The following DAB2IP variants were observed in gnomAD, a reference collection of about 807,000 sequenced individuals.
DAB2IP encodes DAB2 interacting protein.
A neutral mutation model predicts 107.2 loss-of-function variants in DAB2IP; 28 were observed. The ratio of observed to expected loss-of-function variants is 0.26; its 90% CI spans 0.19 to 0.36. DAB2IP has a LOEUF of 0.36. DAB2IP is among the 10% of genes least tolerant of loss of function. The probability of loss-of-function intolerance (pLI) is 1.00; values close to 1 mark genes in which losing one functional copy is unlikely to be tolerated. For missense variants in DAB2IP, 1,400 were observed against 1,644.7 expected (o/e 0.85, Z 2.57); for synonymous variants, 755 against 706.4 (o/e 1.07, Z -1.09).
At chr9:121,598,605 G>C (rs1830582325) in intron 1 of DAB2IP, 1 of 152,296 alleles carries the variant, frequency 6.6e-6, no homozygotes, top group Non-Finnish European at 1.5e-5. Context: ...CGCGCTCTGC[G>C]AGGACACGCT....
chr9:121,774,572 G>A (rs143649830), intron 13 of DAB2IP, among the ~76,000 whole-genome samples, 160 bp downstream of exon 13: 79 of 152,288 alleles, frequency 5.2e-4, no homozygotes, highest in Middle Eastern at 3.4e-3. Context: ...GCAGTCAGTG[G>A]GGTCTGGAAG....
At chr9:121,617,588 A>G (rs1316548503) in intron 1 of DAB2IP, among the ~76,000 whole-genome samples, 1 of 152,236 alleles carries the variant, frequency 6.6e-6, no homozygotes, top group Non-Finnish European at 1.5e-5. Flanking sequence ...GTCCAGCCCC[A>G]GAGGCAGCCT....
intron 1 of DAB2IP, among the ~76,000 whole-genome samples, chr9:121,627,177 G>A (rs1169826188): frequency 1.3e-5 from 2 of 150,496 alleles, no homozygotes; most frequent in Admixed American, 1.3e-4. Flanking sequence ...ACAAGCATAT[G>A]TAAGAATCTA....
chr9:121,772,397 A>C lies in DAB2IP; in HGVS notation c.2079-210A>C, dbSNP rs1834826711. On this transcript the variant is annotated intron_variant, in intron 11 of 15. Transcript: ENST00000408936. This position sits in a 1 kb window ranked among gnomAD's most constrained non-coding sequence, Gnocchi z 4.7. ...CTGAAATGTGCAGTGCTGGCCCCTA[A>C]AGAAGAGGTTCTGTGCAGGAGCAGC... Among the ~76,000 whole-genome samples the C allele has an allele frequency of 6.6e-6, 1 of 152,052 alleles. No homozygotes were observed. Among genetic ancestry groups the C allele is most frequent in the Non-Finnish European group, 1.5e-5 (1 of 67,990 alleles).
intron 1 of DAB2IP, among the ~76,000 whole-genome samples, chr9:121,621,984 C>CTTTCTTTCTTT (rs1429341252): frequency 1.0e-5 from 1 of 99,718 alleles, no homozygotes; most frequent in Admixed American, 1.1e-4. Flanking sequence ...TTTTTTCTTT[C>CTTTCTTTCTTT]TTTTTTTTTT....
chr9:121,571,428 G>C (rs1463912619), intron 1 of DAB2IP, among the ~76,000 whole-genome samples: 1 of 152,124 alleles, frequency 6.6e-6, no homozygotes. Flanking sequence ...AGAAACAGCA[G>C]GTGCAAAGGC....
At chr9:121,608,285 C>T (rs1403877004) in intron 1 of DAB2IP, among the ~76,000 whole-genome samples, 1 of 152,178 alleles carries the variant, frequency 6.6e-6, no homozygotes, top group Non-Finnish European at 1.5e-5. Context: ...TTACTTGAGA[C>T]TGTACCCCAA....
At chr9:121,581,064 A>G (rs888466418) in intron 1 of DAB2IP, among the ~76,000 whole-genome samples, 2 of 152,142 alleles carry the variant, frequency 1.3e-5, no homozygotes, top group Non-Finnish European at 2.9e-5. Context: ...CACTGGGAGG[A>G]GCCATGAATA....
intron 1 of DAB2IP, among the ~76,000 whole-genome samples, chr9:121,584,038 G>C (rs376243724): frequency 6.6e-6 from 1 of 152,106 alleles, no homozygotes; most frequent in Non-Finnish European, 1.5e-5. Context: ...ATAGCCAGGC[G>C]TGGTGGTGCA....
chr9:121,737,562 T>G, intron 3 of DAB2IP: 1 of 985,408 alleles, frequency 1.0e-6, no homozygotes, highest in Non-Finnish European at 1.2e-6. Context: ...CTTGGACTTC[T>G]TAGTGACAAC....
chr9:121,736,698 G>C lies in DAB2IP; in HGVS notation c.363-20315G>C, dbSNP rs1831951715. On this transcript the variant is annotated intron_variant, in intron 3 of 15. Coordinates refer to ENST00000408936, the Ensembl canonical transcript of DAB2IP. This position sits in a 1 kb window ranked among gnomAD's most constrained non-coding sequence, Gnocchi z 4.6. ...ACCTTGGCGCGCCCCCAAATCTTTT[G>C]GTTCCCCCGCTCCTGCCTTCCACTG... Among the ~76,000 whole-genome samples the C allele has an allele frequency of 6.6e-6, 1 of 152,186 alleles. No individual in the cohort carries two copies.
At chr9:121,626,713 C>T (rs1350190077) in intron 1 of DAB2IP, among the ~76,000 whole-genome samples, 5 of 151,968 alleles carry the variant, frequency 3.3e-5, no homozygotes, top group South Asian at 2.1e-4. Flanking sequence ...TGTGAGCCAC[C>T]GCGCCCAGCC....
At chr9:121,704,958 T>G (rs1447866469) in intron 3 of DAB2IP, among the ~76,000 whole-genome samples, 2 of 152,192 alleles carry the variant, frequency 1.3e-5, no homozygotes, top group Admixed American at 1.3e-4. Context: ...TGGGCACCTT[T>G]GGGGGCAGGG....
intron 1 of DAB2IP, among the ~76,000 whole-genome samples, chr9:121,622,286 C>T (rs1385939061): frequency 6.6e-6 from 1 of 152,232 alleles, no homozygotes; most frequent in East Asian, 1.9e-4. Flanking sequence ...CCGCACCCGG[C>T]CCCGTTTGTG....
intron 2 of DAB2IP, among the ~76,000 whole-genome samples, chr9:121,694,325 C>T (rs989596238): frequency 1.3e-5 from 2 of 152,136 alleles, no homozygotes; most frequent in Admixed American, 6.5e-5. Flanking sequence ...CCCGGAAATC[C>T]AAAACATCCT....
In DAB2IP at chr9:121,734,160, G is replaced by A. The variant is rs897804873; in HGVS notation, c.363-22853G>A. Among the ~76,000 whole-genome samples the A allele has an allele frequency of 9.3e-5, 14 of 150,908 alleles. 1 individual carries two copies. Among genetic ancestry groups the A allele is most frequent in the Non-Finnish European group, 1.3e-4 (9 of 67,976 alleles). ...TGGGAGGCCGAGGCGGGTGGATCAC[G>A]AGGTCAGGAGATCGAGACCATCCTG... is the stretch of plus-strand genomic sequence containing the variant. On this transcript the variant is annotated intron_variant, in intron 3 of 15. Coordinates refer to ENST00000408936, the Ensembl canonical transcript of DAB2IP.
intron 3 of DAB2IP, among the ~76,000 whole-genome samples, chr9:121,756,456 G>A (rs1235456119): frequency 7.2e-5 from 11 of 152,170 alleles, no homozygotes; most frequent in Admixed American, 6.5e-4. Context: ...GACTCGCCTC[G>A]CCTCGCTGTC....
At chr9:121,572,165 G>C (rs187608985) in intron 1 of DAB2IP, among the ~76,000 whole-genome samples, 1 of 152,100 alleles carries the variant, frequency 6.6e-6, no homozygotes, top group East Asian at 1.9e-4. Context: ...TGCTTTCTCC[G>C]GGTTCTTTTG....
chr9:121,764,291 T>C (rs562355677), intron 8 of DAB2IP, among the ~76,000 whole-genome samples: 3 of 152,162 alleles, frequency 2.0e-5, no homozygotes, highest in Non-Finnish European at 2.9e-5. Context: ...CAGGGGCACG[T>C]TGGGGGCCTG....
Sources: allele counts gnomAD v4.1 joint callset (sites outside exome capture counted in the v4.1 genomes callset), GRCh38; gene constraint gnomAD v4.1.1; non-coding constraint Gnocchi (gnomAD v3.1); transcripts MANE v1.5; gene names NCBI Gene and HGNC (gene_info 2026-07-23, HGNC 2026-07-21).